The following HPSE2 variants were observed in gnomAD, a reference collection of about 807,000 sequenced individuals.
HPSE2 encodes the protein heparanase 2 (inactive).
In HPSE2, 38 loss-of-function variants were observed where a neutral mutation model predicts 60.5. The ratio of observed to expected loss-of-function variants is 0.63; its 90% CI spans 0.48 to 0.82. The LOEUF (loss-of-function observed/expected upper bound fraction) is 0.82. Ranked by LOEUF, HPSE2 falls within the 40% of genes least tolerant of loss-of-function variation. The probability of loss-of-function intolerance (pLI) is 0.00; values close to 1 mark genes in which losing one functional copy is unlikely to be tolerated. For synonymous variants in HPSE2, 295 were observed against 293.2 expected, an observed-to-expected ratio of 1.01 and a Z score of -0.06; for missense variants, 713 against 740.4, an observed-to-expected ratio of 0.96 and a Z score of 0.43.
At chr10:98,878,490 T>C (rs557012476) in intron 3 of HPSE2, among the ~76,000 whole-genome samples, 3 of 152,016 alleles carry the variant, frequency 2.0e-5, no homozygotes, top group Admixed American at 1.3e-4. Context: ...CAGGACAAGT[T>C]GGCTAAGGGT....
At chr10:98,733,898 A>T (rs1949286060) in intron 4 of HPSE2, among the ~76,000 whole-genome samples, 1 of 152,216 alleles carries the variant, frequency 6.6e-6, no homozygotes, top group Non-Finnish European at 1.5e-5. Flanking sequence ...TTTCATGTGT[A>T]TAATTCAATG....
chr10:98,522,489 T>A (rs1942829704), intron 9 of HPSE2, among the ~76,000 whole-genome samples: 1 of 152,152 alleles, frequency 6.6e-6, no homozygotes. Flanking sequence ...GTTTTTTGTT[T>A]TTTTGAGATG....
chr10:98,708,609 G>C (rs1293216973), intron 5 of HPSE2, among the ~76,000 whole-genome samples: 5 of 152,150 alleles, frequency 3.3e-5, no homozygotes, highest in African/African-American at 1.2e-4. Context: ...AAAAATTGCT[G>C]TAAGCTACAT....
chr10:98,483,319 G>A, intron 10 of HPSE2, among the ~76,000 whole-genome samples: 1 of 152,098 alleles, frequency 6.6e-6, no homozygotes, highest in African/African-American at 2.4e-5. Flanking sequence ...ATATTCCCAT[G>A]TGATTCTTTT....
chr10:99,284,005 G>GA, the HPSE2 span, among the ~76,000 whole-genome samples: 130,163 of 152,084 alleles, frequency 0.86, 56,065 homozygotes, highest in African/African-American at 0.92. Context: ...AAAACTTAAA[G>GA]GGAAGAAACA....
chr10:99,115,355 C>T (rs1018514272), intron 3 of HPSE2, among the ~76,000 whole-genome samples: 5 of 152,086 alleles, frequency 3.3e-5, no homozygotes, highest in Admixed American at 1.3e-4. Context: ...GGGGTTTCAC[C>T]GTGTTAGCCA....
intron 3 of HPSE2, among the ~76,000 whole-genome samples, chr10:98,920,759 T>C (rs1025668650): frequency 2.0e-5 from 3 of 152,192 alleles, no homozygotes; most frequent in African/African-American, 7.2e-5. Context: ...CTCTATTCCA[T>C]AAGAATTTTA....
At chr10:99,094,149 A>G (rs1487968365) in intron 3 of HPSE2, among the ~76,000 whole-genome samples, 1 of 152,044 alleles carries the variant, frequency 6.6e-6, no homozygotes, top group African/African-American at 2.4e-5. Flanking sequence ...CATTTGACCC[A>G]TGAATTACTT....
chr10:98,933,297 GT>G (rs1954692700), intron 3 of HPSE2, among the ~76,000 whole-genome samples: 1 of 144,208 alleles, frequency 6.9e-6, no homozygotes, highest in Non-Finnish European at 1.5e-5. Context: ...TTAATCTTGA[GT>G]TTTAATTTGA....
chr10:98,862,013 A>G (rs1392461607), intron 3 of HPSE2, among the ~76,000 whole-genome samples: 1 of 152,210 alleles, frequency 6.6e-6, no homozygotes, highest in Non-Finnish European at 1.5e-5. Flanking sequence ...CCATGTTTGG[A>G]CTGACAAAAA....
At position 99,013,436 on chromosome 10, in the gene HPSE2, A is replaced by G. The variant is rs867174007; in HGVS notation, c.610+130802T>C. 96 of 512,338 alleles carry G rather than the reference A, an allele frequency of 1.9e-4. 1 individual carries two copies. The Middle Eastern group carries it at 3.9e-3, about 21-fold the overall frequency. 31.7% of individuals were successfully genotyped at this position (512,338 alleles called of 1,614,324 possible). On this transcript the variant is annotated intron_variant, in intron 3 of 11. Coordinates refer to ENST00000370552, the MANE Select transcript of HPSE2 (RefSeq NM_021828.5). ...AGAACGAAGAGATTCTTGGCCACCAATATCCTCCATTAGGAAATGTATATT... is the reference window on the plus strand; with the variant it reads ...AGAACGAAGAGATTCTTGGCCACCAGTATCCTCCATTAGGAAATGTATATT...
At chr10:98,478,472 G>A (rs574961996) in intron 11 of HPSE2, among the ~76,000 whole-genome samples, 4 of 152,124 alleles carry the variant, frequency 2.6e-5, no homozygotes, top group Admixed American at 2.0e-4. Context: ...TCCAACCCCC[G>A]ACTGAGGAAG....
At position 99,193,630 on chromosome 10, in the gene HPSE2, T is replaced by C. The variant is rs78152217; in HGVS notation, c.448+38718A>G. ...AATGGAAACCAACGAAGAGCAAGAGTAGCTATGTTTATATCACATGGAATA... is the reference window on the plus strand; with the variant it reads ...AATGGAAACCAACGAAGAGCAAGAGCAGCTATGTTTATATCACATGGAATA... On this transcript the variant is annotated intron_variant, in intron 2 of 11. Coordinates refer to ENST00000370552, the MANE Select transcript of HPSE2 (RefSeq NM_021828.5). Among the ~76,000 whole-genome samples, 1,307 of 151,384 alleles carry C rather than the reference T, an allele frequency of 8.6e-3. 14 individuals are homozygous for C. The highest frequency in any genetic ancestry group is 0.03 in the African/African-American group (1,252 of 41,280).
intron 3 of HPSE2, among the ~76,000 whole-genome samples, chr10:99,011,317 G>C (rs1212276305): frequency 6.6e-6 from 1 of 151,992 alleles, no homozygotes; most frequent in Non-Finnish European, 1.5e-5. Flanking sequence ...TTTACAGAAA[G>C]GAACTTTCAA....
chr10:98,717,146 A>C (rs974191778), intron 5 of HPSE2, among the ~76,000 whole-genome samples: 1 of 152,104 alleles, frequency 6.6e-6, no homozygotes, highest in East Asian at 1.9e-4. Context: ...CTAGCTTCCA[A>C]CTTTCCTTCT....
At chr10:99,239,087 A>G (rs1849907911), upstream of HPSE2, among the ~76,000 whole-genome samples, 1 of 152,150 alleles carries the variant, frequency 6.6e-6, no homozygotes, top group Non-Finnish European at 1.5e-5. Flanking sequence ...TGAACCTGGG[A>G]GGAGGAGGTT....
chr10:98,622,722 T>G (rs1014512987), intron 7 of HPSE2, among the ~76,000 whole-genome samples: 1 of 152,122 alleles, frequency 6.6e-6, no homozygotes, highest in African/African-American at 2.4e-5. Flanking sequence ...TCCTGAGAAT[T>G]AACGGTGGTG....
chr10:98,535,271 C>G (rs1418847219), intron 9 of HPSE2, among the ~76,000 whole-genome samples: 7 of 151,536 alleles, frequency 4.6e-5, no homozygotes, highest in Non-Finnish European at 8.8e-5. Context: ...ACAATTTAGG[C>G]TTGACATAAA....
At chr10:99,210,033 A>G (rs959123711) in intron 2 of HPSE2, among the ~76,000 whole-genome samples, 4 of 152,340 alleles carry the variant, frequency 2.6e-5, no homozygotes, top group African/African-American at 9.6e-5. Flanking sequence ...ATCTTTAGCT[A>G]GATTAAGAAA....
Sources: allele counts gnomAD v4.1 joint callset (sites outside exome capture counted in the v4.1 genomes callset), GRCh38; gene constraint gnomAD v4.1.1; transcripts MANE v1.5; gene names NCBI Gene and HGNC (gene_info 2026-07-23, HGNC 2026-07-21).